Variants in NBEAL1 observed in about 807,000 individuals in gnomAD.
NBEAL1 encodes neurobeachin like 1, also known as neurobeachin-like protein 1.
A neutral mutation model predicts 351.3 loss-of-function variants in NBEAL1; 273 were observed. The ratio of observed to expected loss-of-function variants is 0.78; its 90% confidence interval spans 0.70 to 0.86. NBEAL1 has a LOEUF of 0.86. Among genes scored for constraint, NBEAL1 ranks in the 40% least tolerant of loss-of-function variants. The pLI, the probability that NBEAL1 is intolerant of heterozygous loss-of-function variation, is 0.00. For missense variants in NBEAL1, 2,961 were observed against 3,201.3 expected (o/e 0.92, Z 1.81); for synonymous variants, 1,050 against 1,086.4 (o/e 0.97, Z 0.66).
chr2:203,021,475 G>A (rs765010040), intron 2 of NBEAL1, among the ~76,000 whole-genome samples: 8 of 151,474 alleles, frequency 5.3e-5, no homozygotes, highest in Non-Finnish European at 1.0e-4. Flanking sequence ...GCACACCTGT[G>A]GTCCCAGCTA....
intron 25 of NBEAL1, among the ~76,000 whole-genome samples, chr2:203,131,283 T>C (rs1176213124): frequency 6.6e-6 from 1 of 152,242 alleles, no homozygotes; most frequent in East Asian, 1.9e-4. Flanking sequence ...TGGTGTGATC[T>C]TGGCTGACTG....
chr2:203,189,096 A>G (rs1330455250), intron 45 of NBEAL1, among the ~76,000 whole-genome samples: 1 of 152,238 alleles, frequency 6.6e-6, no homozygotes, highest in Non-Finnish European at 1.5e-5. Flanking sequence ...TATTTTTGCT[A>G]TACCGGATCC....
chr2:203,119,113 T>C (rs2062765163), intron 18 of NBEAL1, among the ~76,000 whole-genome samples: 1 of 152,102 alleles, frequency 6.6e-6, no homozygotes, highest in Non-Finnish European at 1.5e-5. Context: ...AAAATGGTGC[T>C]ATGTCATGAG....
At chr2:203,028,488 T>C (rs2060897503) in intron 2 of NBEAL1, among the ~76,000 whole-genome samples, 1 of 151,872 alleles carries the variant, frequency 6.6e-6, no homozygotes, top group African/African-American at 2.4e-5. Flanking sequence ...TTTAGTTCTT[T>C]ATGGATGTGT....
chr2:203,167,212 T>G lies in NBEAL1; in HGVS notation c.5864-15T>G. 1 of 1,597,526 alleles carries G rather than the reference T, an allele frequency of 6.3e-7. No homozygotes were observed. The highest frequency in any genetic ancestry group is 8.5e-7 in the Non-Finnish European group (1 of 1,173,506). On this transcript the variant is annotated splice_polypyrimidine_tract_variant and intron_variant, in intron 37 of 55. Coordinates refer to ENST00000683969, the MANE Select transcript of NBEAL1 (RefSeq NM_001378026.1). Reference sequence around the variant, plus strand: ...TTATATGGTATCTCAGTCACAAGATTTCTTCCGTTTTCAGGAGTAGGCTTT... The same window carrying G: ...TTATATGGTATCTCAGTCACAAGATGTCTTCCGTTTTCAGGAGTAGGCTTT...
chr2:203,193,820 CAGA>C lies in NBEAL1; in HGVS notation c.6953_6955del (p.Glu2318del). 1.2e-6 allele frequency: 2 copies of C among 1,611,512 alleles called. No individual in the cohort carries two copies. The highest frequency in any genetic ancestry group is 1.7e-6 in the Non-Finnish European group (2 of 1,178,554). On this transcript the variant is annotated inframe_deletion, in exon 47 of 56. Transcript: ENST00000683969. The stretch of plus-strand genomic sequence containing the variant: ...GAACCACACCCTCCAAGATTATCAG[CAGA>C]AGAAGCAGTGCAGAAGCCAACCAAA...
intron 10 of NBEAL1, among the ~76,000 whole-genome samples, chr2:203,086,842 C>G (rs914579364): frequency 6.6e-6 from 1 of 150,596 alleles, no homozygotes; most frequent in African/African-American, 2.4e-5. Context: ...GCCTGCTTTT[C>G]TTGTATTTCT....
At chr2:203,131,392 T>C (rs2063068716) in intron 25 of NBEAL1, among the ~76,000 whole-genome samples, 1 of 152,126 alleles carries the variant, frequency 6.6e-6, no homozygotes, top group Non-Finnish European at 1.5e-5. Context: ...ATTTTTGTAT[T>C]TTTAGTAGAG....
intron 3 of NBEAL1, 131 bp from the exon 4 acceptor site, chr2:203,049,683 A>C (rs2061293019): frequency 5.8e-6 from 4 of 688,810 alleles, no homozygotes; most frequent in Admixed American, 3.1e-5. Flanking sequence ...GCAGACGAGA[A>C]GGCACAGAGT....
At chr2:203,214,769 T>C (rs1384553483) in intron 55 of NBEAL1, among the ~76,000 whole-genome samples, 1 of 152,166 alleles carries the variant, frequency 6.6e-6, no homozygotes, top group East Asian at 1.9e-4. Context: ...AGCAAGACTC[T>C]GTACTACAGT....
chr2:203,098,350 A>G (rs1268241652), intron 11 of NBEAL1, among the ~76,000 whole-genome samples: 1 of 152,180 alleles, frequency 6.6e-6, no homozygotes, highest in Non-Finnish European at 1.5e-5. Context: ...GTATAACAAG[A>G]CACATTATCA....
chr2:203,207,513 G>A (rs575833138), intron 51 of NBEAL1, among the ~76,000 whole-genome samples: 3 of 152,364 alleles, frequency 2.0e-5, no homozygotes, highest in East Asian at 1.9e-4. Flanking sequence ...GATGGTTGCC[G>A]TGTCTGTGTT....
chr2:203,195,818 G>A (rs2065225409), intron 47 of NBEAL1, among the ~76,000 whole-genome samples: 1 of 152,146 alleles, frequency 6.6e-6, no homozygotes, highest in Non-Finnish European at 1.5e-5. Flanking sequence ...ATTGGAGGCT[G>A]GTCGCGTACA....
At chr2:203,176,615 C>G (rs1364089296) in intron 42 of NBEAL1, among the ~76,000 whole-genome samples, 2 of 151,590 alleles carry the variant, frequency 1.3e-5, no homozygotes, top group Non-Finnish European at 2.9e-5. Flanking sequence ...GCCTGAAGTC[C>G]TAGCTACTCA....
chr2:203,217,361 T>C lies in NBEAL1; in HGVS notation c.*7T>C, dbSNP rs1353138202. 2 of 1,565,302 alleles carry C rather than the reference T, an allele frequency of 1.3e-6. No individual in the cohort carries two copies. The highest frequency in any genetic ancestry group is 2.0e-5 in the Admixed American group (1 of 50,046). On this transcript the variant is annotated 3_prime_UTR_variant, in exon 56 of 56. Transcript: ENST00000683969. ...TACTCAAGATTCCAAGTGATTGTTA[T>C]TTCCATTTTCTGTTATGATTACTGA...
At chr2:203,066,374 C>T (rs1177869046) in intron 6 of NBEAL1, among the ~76,000 whole-genome samples, 2 of 145,884 alleles carry the variant, frequency 1.4e-5, no homozygotes, top group Admixed American at 6.9e-5. Flanking sequence ...GCACACGTTT[C>T]AGAGAGCACG....
chr2:203,214,796 A>T (rs1192327670), intron 55 of NBEAL1, among the ~76,000 whole-genome samples: 1 of 152,204 alleles, frequency 6.6e-6, no homozygotes, highest in Non-Finnish European at 1.5e-5. Flanking sequence ...TATGAACTAG[A>T]TCCATATTTA....
Position 203,138,222 on chromosome 2 carries a change from A to C in NBEAL1, c.4626A>C (p.Pro1542=). ...AAAACAGAGAAGCAAAAACTAATCC[A>C]GTAACTGCTGAAAACGCCTTCCGAC... ...ISENREAKTN[P]VTAENAFRLV... The change falls in exon 30 of 56, where the codon CCA becomes CCC. Residue 1542 remains proline (P), a synonymous_variant. Coordinates refer to ENST00000683969, the MANE Select transcript of NBEAL1 (RefSeq NM_001378026.1). The C allele has an allele frequency of 6.2e-7, 1 of 1,614,110 alleles. No homozygotes were observed. Among genetic ancestry groups the C allele is most frequent in the Non-Finnish European group, 8.5e-7 (1 of 1,179,966 alleles).
intron 10 of NBEAL1, among the ~76,000 whole-genome samples, chr2:203,090,159 C>T (rs1208872949): frequency 6.6e-6 from 1 of 152,032 alleles, no homozygotes; most frequent in African/African-American, 2.4e-5. Flanking sequence ...TGTAATTATT[C>T]ACCTTATAAG....
Sources: allele counts gnomAD v4.1 joint callset (sites outside exome capture counted in the v4.1 genomes callset), GRCh38; gene constraint gnomAD v4.1.1; transcripts MANE v1.5; gene names NCBI Gene and HGNC (gene_info 2026-07-23, HGNC 2026-07-21).